IQSEC1: variants seen among roughly 807,000 people sequenced by gnomAD.
IQSEC1 encodes IQ motif and SEC7 domain-containing protein 1.
A neutral mutation model predicts 91.0 loss-of-function variants in IQSEC1; 31 were observed. That is an observed-to-expected ratio of 0.34 (90% confidence interval 0.26 to 0.46). The LOEUF (loss-of-function observed/expected upper bound fraction) is 0.46. IQSEC1 is among the 20% of genes least tolerant of loss of function. IQSEC1 has a pLI of 1.00. For missense variants in IQSEC1, 1,388 were observed against 1,575.6 expected, an observed-to-expected ratio of 0.88 and a Z score of 2.02; for synonymous variants, 699 against 662.6, an observed-to-expected ratio of 1.05 and a Z score of -0.84.
At chr3:13,092,683 A>C (rs1399012739) in intron 2 of IQSEC1, among the ~76,000 whole-genome samples, 1 of 152,120 alleles carries the variant, frequency 6.6e-6, no homozygotes, top group Non-Finnish European at 1.5e-5. Context: ...CCCTCACCAG[A>C]ACAATCTCAA....
intron 1 of IQSEC1, among the ~76,000 whole-genome samples, chr3:12,963,736 T>G (rs1465618567): frequency 6.6e-6 from 1 of 152,244 alleles, no homozygotes; most frequent in Non-Finnish European, 1.5e-5. Flanking sequence ...TGCTCTGTGA[T>G]GTACCATTTC....
rs886773337 is a variant in IQSEC1, at chr3:13,181,269, T to C, written c.273-17136A>G. ...CTGGGCGACAGAGCGAGACTCCGTC[T>C]CAAACAAACAAACAAACAAACAAAC... On this transcript the variant is annotated intron_variant, in intron 1 of 15. Transcript: ENST00000648114. Among the ~76,000 whole-genome samples, 13 of 18,448 alleles carry C rather than the reference T, an allele frequency of 7.0e-4. 1 individual carries two copies. Among genetic ancestry groups the C allele is most frequent in the Admixed American group, 6.7e-3 (13 of 1,948 alleles). The allele number at this position is 18,448 out of a possible 152,430, so 12.1% of individuals were successfully genotyped here.
intron 1 of IQSEC1, among the ~76,000 whole-genome samples, chr3:12,956,166 C>G (rs1358268933): frequency 3.3e-5 from 5 of 152,176 alleles, no homozygotes; most frequent in Non-Finnish European, 7.3e-5. Context: ...CCACCACTGC[C>G]ACAGTCCCCA....
chr3:13,061,956 C>T (rs1174158106), intron 1 of IQSEC1, among the ~76,000 whole-genome samples: 3 of 152,182 alleles, frequency 2.0e-5, no homozygotes, highest in Admixed American at 6.5e-5. Flanking sequence ...CAGGAATGGC[C>T]ATGAGTCCCA....
At chr3:13,100,708 T>C (rs1202557313) in intron 2 of IQSEC1, among the ~76,000 whole-genome samples, 3 of 149,086 alleles carry the variant, frequency 2.0e-5, no homozygotes, top group Non-Finnish European at 4.5e-5. Flanking sequence ...GCTGAATTCC[T>C]GCCGAGCCTC....
intron 1 of IQSEC1, among the ~76,000 whole-genome samples, chr3:13,230,873 C>T (rs973208174): frequency 4.6e-5 from 7 of 152,228 alleles, no homozygotes; most frequent in South Asian, 4.1e-4. Context: ...TCAACTGGGG[C>T]ATGGACAAAA....
chr3:13,065,888 G>C (rs1349662760), intron 1 of IQSEC1, among the ~76,000 whole-genome samples: 1 of 152,248 alleles, frequency 6.6e-6, no homozygotes, highest in African/African-American at 2.4e-5. Context: ...CCGCACAATG[G>C]AACAGTGTTC....
intron 1 of IQSEC1, among the ~76,000 whole-genome samples, chr3:13,032,426 C>T (rs562073158): frequency 1.3e-5 from 2 of 152,366 alleles, no homozygotes; most frequent in Middle Eastern, 3.4e-3. Context: ...TTCCGCAGGC[C>T]GAACCTGCAG....
Position 12,992,346 on chromosome 3 carries a change from G to A in IQSEC1, c.24-50481C>T, listed in dbSNP as rs915749650. On this transcript the variant is annotated intron_variant, in intron 1 of 13. Transcript: ENST00000613206. The surrounding 1 kb of genome is among the most constrained non-coding windows in gnomAD (Gnocchi z 4.1). ...CAGTTTATCTTTTCCTGTGGGGGGT[G>A]GGGGGTGGGAGGAGATGGCACCGCT... is the stretch of plus-strand genomic sequence containing the variant. Among the ~76,000 whole-genome samples the A allele has an allele frequency of 8.5e-6, 1 of 117,798 alleles. No homozygotes were observed. The highest frequency in any genetic ancestry group is 5.3e-3 in the Middle Eastern group (1 of 190). 77.3% of individuals were successfully genotyped at this position (117,798 alleles called of 152,430 possible). A position where few individuals can be genotyped will look rare whatever the true frequency, so the allele number is the denominator to read the frequency against.
rs1212322870 is a variant in IQSEC1, at chr3:12,900,727, G to C, written c.*256C>G. On this transcript the variant is annotated 3_prime_UTR_variant, in exon 14 of 14. Transcript: ENST00000613206. ...TTGGCTGGCTCACCGTTTCAAGGCT[G>C]ATGGTGTCTGAGGCCCACCCATCCC... The C allele has an allele frequency of 1.4e-6, 2 of 1,408,472 alleles. No homozygotes were observed. The highest frequency in any genetic ancestry group is 1.8e-6 in the Non-Finnish European group (2 of 1,084,046). 87.2% of individuals were successfully genotyped at this position (1,408,472 alleles called of 1,614,324 possible). A position where few individuals can be genotyped will look rare whatever the true frequency, so the allele number is the denominator to read the frequency against.
chr3:13,226,478 C>A (rs1320647823), intron 1 of IQSEC1, among the ~76,000 whole-genome samples: 11 of 152,194 alleles, frequency 7.2e-5, no homozygotes, highest in Non-Finnish European at 1.6e-4. Context: ...CTTGACCCCC[C>A]AGGCTGGGCA....
At chr3:13,218,155 C>T (rs549300100) in intron 1 of IQSEC1, among the ~76,000 whole-genome samples, 2 of 152,310 alleles carry the variant, frequency 1.3e-5, no homozygotes, top group East Asian at 3.9e-4. Context: ...GGGGTGGGAG[C>T]AGGAGTGACC....
At chr3:13,109,621 C>T (rs547371307) in intron 2 of IQSEC1, among the ~76,000 whole-genome samples, 8 of 151,972 alleles carry the variant, frequency 5.3e-5, no homozygotes, top group Non-Finnish European at 1.2e-4. Flanking sequence ...AAGATCCGGT[C>T]ATTTAGAGGT....
intron 1 of IQSEC1, among the ~76,000 whole-genome samples, chr3:13,042,808 G>T (rs1704333416): frequency 6.6e-6 from 1 of 152,204 alleles, no homozygotes; most frequent in Admixed American, 6.5e-5. Context: ...GGCACTGGCT[G>T]GACAGTCCTA....
chr3:12,924,829 G>T lies in IQSEC1; in HGVS notation c.1569-87C>A. ...GGGGATCTCCGCTCAGTGGACGGTC[G>T]ACATTCTCCCTCCCTGCCCACCTGC... On this transcript the variant is annotated intron_variant, in intron 3 of 13. Coordinates refer to ENST00000613206, the MANE Select transcript of IQSEC1 (RefSeq NM_001134382.3). This position sits in a 1 kb window ranked among gnomAD's most constrained non-coding sequence, Gnocchi z 6.3. The T allele has an allele frequency of 7.8e-7, 1 of 1,287,348 alleles. No individual in the cohort carries two copies. Among genetic ancestry groups the T allele is most frequent in the South Asian group, 1.5e-5 (1 of 67,020 alleles). 79.7% of individuals were successfully genotyped at this position (1,287,348 alleles called of 1,614,324 possible). A position where few individuals can be genotyped will look rare whatever the true frequency, so the allele number is the denominator to read the frequency against.
At chr3:13,234,182 G>T (rs138422476) in intron 1 of IQSEC1, among the ~76,000 whole-genome samples, 40 of 152,292 alleles carry the variant, frequency 2.6e-4, no homozygotes, top group African/African-American at 9.6e-4. Flanking sequence ...GTCTGTGGGT[G>T]TGAGCCCCCA....
chr3:13,140,788 C>T (rs1706787830), intron 2 of IQSEC1, among the ~76,000 whole-genome samples: 1 of 152,174 alleles, frequency 6.6e-6, no homozygotes. Flanking sequence ...TTCATGCCAC[C>T]GTGGCTCTGT....
intron 3 of IQSEC1, among the ~76,000 whole-genome samples, chr3:12,927,442 C>G (rs1697252796): frequency 7.4e-6 from 1 of 134,806 alleles, no homozygotes; most frequent in Non-Finnish European, 1.6e-5. Flanking sequence ...GTCCCTTCCC[C>G]ACATAGGTGC....
At chr3:13,243,604 C>T (rs540883484) in intron 1 of IQSEC1, among the ~76,000 whole-genome samples, 6 of 152,212 alleles carry the variant, frequency 3.9e-5, no homozygotes, top group Non-Finnish European at 8.8e-5. Context: ...CAAGCGGATG[C>T]GCTGGGCCAG....
Sources: gnomAD v4.1 joint callset for allele counts (sites outside exome capture counted in the v4.1 genomes callset) on GRCh38, gnomAD v4.1.1 for gene constraint, Gnocchi (gnomAD v3.1) non-coding constraint, MANE v1.5 for transcripts, NCBI Gene and HGNC (gene_info 2026-07-23, HGNC 2026-07-21) for gene names.